Variants in PDE6B observed in about 807,000 individuals in gnomAD.
PDE6B encodes rod cGMP-specific 3',5'-cyclic phosphodiesterase subunit beta.
A neutral mutation model predicts 109.0 loss-of-function variants in PDE6B; 106 were observed. The ratio of observed to expected loss-of-function variants is 0.97; its 90% CI spans 0.83 to 1.14. The LOEUF is 1.14. Ranked by LOEUF, PDE6B falls within the 50% of genes most tolerant of loss-of-function variation. PDE6B has a pLI of 0.00. For missense variants in PDE6B, 1,193 were observed against 1,155.6 expected, an observed-to-expected ratio of 1.03 and a Z score of -0.47; for synonymous variants, 490 against 471.3, an observed-to-expected ratio of 1.04 and a Z score of -0.51.
At chr4:629,163 G>A (rs1051016682) in intron 1 of PDE6B, among the ~76,000 whole-genome samples, 2 of 152,250 alleles carry the variant, frequency 1.3e-5, no homozygotes, top group Non-Finnish European at 2.9e-5. Context: ...TGGCAGGAAG[G>A]AAGCACAGGT....
At position 666,398 on chromosome 4, in the gene PDE6B, GT is replaced by G; in HGVS notation, c.2269-130del. 1.4e-6 allele frequency: 1 copy of G among 708,790 alleles called. No homozygotes were observed. The highest frequency in any genetic ancestry group is 2.7e-5 in the East Asian group (1 of 37,454). 43.9% of individuals were successfully genotyped at this position (708,790 alleles called of 1,614,324 possible). ...TGTCAGCTTCCCCTCCCGAGAGCCA[GT>G]TTCTGTCAGGCAGGCTCGTCCCAGG... On this transcript the variant is annotated intron_variant, in intron 19 of 21. Transcript: ENST00000496514. The surrounding 1 kb of genome is among the most constrained non-coding windows in gnomAD (Gnocchi z 5.6).
At chr4:639,896 A>AG (rs1330594105) in intron 3 of PDE6B, among the ~76,000 whole-genome samples, 1 of 152,034 alleles carries the variant, frequency 6.6e-6, no homozygotes, top group African/African-American at 2.4e-5. Flanking sequence ...GCTTGAACCC[A>AG]GGAGCTGGGT....
chr4:630,274 T>C (rs1457706477), intron 1 of PDE6B, among the ~76,000 whole-genome samples: 8 of 151,952 alleles, frequency 5.3e-5, no homozygotes, highest in African/African-American at 1.9e-4. Flanking sequence ...TCTCAGGAAG[T>C]GAAGGCTGGG....
chr4:656,595 C>CAA (rs1362847024), intron 8 of PDE6B, among the ~76,000 whole-genome samples: 130 of 151,896 alleles, frequency 8.6e-4, no homozygotes, highest in African/African-American at 3.0e-3. Flanking sequence ...CACACCCCTG[C>CAA]GAGGCCGTGA....
At chr4:655,862 G>C (rs938763338) in intron 6 of PDE6B, 78 bp from the exon 7 acceptor site, 15 of 861,470 alleles carry the variant, frequency 1.7e-5, no homozygotes, top group African/African-American at 1.2e-4. Flanking sequence ...CCTGCACACA[G>C]ACATCCAGTC....
rs764046233 is a variant in PDE6B at position 667,929 on chromosome 4, C to T, written c.2426C>T (p.Ala809Val). 53 of 1,613,136 alleles carry T rather than the reference C, an allele frequency of 3.3e-5. No individual in the cohort carries two copies. The highest frequency in any genetic ancestry group is 1.2e-4 in the South Asian group (11 of 91,060). The stretch of plus-strand genomic sequence containing the variant: ...CAGAACAATAGGAAAGAGTGGAAGG[C>T]GCTGGCTGATGAGTATGAGGCCAAA... ...RLQNNRKEWKALADEYEAKVK... is the reference protein window; with the variant it reads ...RLQNNRKEWKVLADEYEAKVK... The change falls in exon 21 of 22, where the codon GCG (alanine) becomes GTG (valine). Residue 809 changes from alanine (A) to valine (V), a missense_variant. Physicochemically the swap from Ala to Val is moderately conservative, Grantham distance 64. Transcript: ENST00000496514.
chr4:657,602 T>C (rs1210377931), intron 10 of PDE6B, 108 bp downstream of exon 10: 1 of 1,080,900 alleles, frequency 9.3e-7, no homozygotes, highest in Non-Finnish European at 1.3e-6. Context: ...TGGGGGCAGG[T>C]CATCCAGGGG....
rs1239592126 is a variant in PDE6B, at chr4:657,406, TG to T, written c.1314del (p.Met438IlefsTer19). Reference protein sequence around the residue: ...SVMNTDTYDKMNKLENRKDIA... With the variant: ...SVMNTDTYDKXNKLENRKDIA... ...ATGAACACCGACACCTACGACAAGA[TG>T]AACAAGCTGGAGAACCGCAAGGACA... is the stretch of plus-strand genomic sequence containing the variant. On this transcript the variant is annotated frameshift_variant, in exon 10 of 22. Coordinates refer to ENST00000496514, the MANE Select transcript of PDE6B (RefSeq NM_000283.4). LOFTEE classifies it high-confidence loss of function. The T allele has an allele frequency of 6.2e-7, 1 of 1,613,250 alleles. No individual in the cohort carries two copies. Among genetic ancestry groups the T allele is most frequent in the Admixed American group, 1.7e-5 (1 of 60,012 alleles).
At chr4:647,657 C>A (rs1453728341) in intron 3 of PDE6B, among the ~76,000 whole-genome samples, 1 of 151,978 alleles carries the variant, frequency 6.6e-6, no homozygotes, top group Non-Finnish European at 1.5e-5. Context: ...CCCTAATCAT[C>A]CCCCAGGGCC....
chr4:659,526 T>C (rs540135807), intron 11 of PDE6B, among the ~76,000 whole-genome samples: 73 of 150,240 alleles, frequency 4.9e-4, no homozygotes, highest in African/African-American at 1.8e-3. Context: ...TAGGTGTGTG[T>C]GCACACGTGG....
At chr4:656,683 A>G (rs1329548760) in intron 8 of PDE6B, among the ~76,000 whole-genome samples, 191 bp from the exon 9 acceptor site, 1 of 152,232 alleles carries the variant, frequency 6.6e-6, no homozygotes, top group African/African-American at 2.4e-5. Context: ...GGAAAATATC[A>G]TGACACAAAA....
Position 655,684 on chromosome 4 carries a change from G to A in PDE6B, c.993-256G>A, listed in dbSNP as rs919833583. The A allele has an allele frequency of 5.1e-6, 3 of 586,880 alleles. No homozygotes were observed. The African/African-American group carries it at 5.6e-5, about 11-fold the overall frequency. 36.4% of individuals were successfully genotyped at this position (586,880 alleles called of 1,614,324 possible). A position where few individuals can be genotyped will look rare whatever the true frequency, so the allele number is the denominator to read the frequency against. ...AGAGTAAATGCTGAGGATGGCACAT[G>A]AGCCAGAGACCCCCAGACCCCTGCA... On this transcript the variant is annotated intron_variant, in intron 6 of 21. Coordinates refer to ENST00000496514, the MANE Select transcript of PDE6B (RefSeq NM_000283.4).
chr4:630,745 G>A (rs57334496), intron 1 of PDE6B, among the ~76,000 whole-genome samples: 155 of 152,314 alleles, frequency 1.0e-3, no homozygotes, highest in African/African-American at 3.3e-3. Flanking sequence ...CCCCAATTCC[G>A]GCTGCCTGCT....
intron 3 of PDE6B, 145 bp from the exon 4 acceptor site, chr4:653,707 G>A: frequency 2.2e-6 from 2 of 921,966 alleles, no homozygotes; most frequent in African/African-American, 3.2e-5. Flanking sequence ...CACCAATCAG[G>A]GTCTGTGCCA....
At chr4:630,537 T>A (rs1394559743) in intron 1 of PDE6B, among the ~76,000 whole-genome samples, 1 of 151,830 alleles carries the variant, frequency 6.6e-6, no homozygotes, top group Non-Finnish European at 1.5e-5. Flanking sequence ...TTCCCTGTGG[T>A]GTTAGGGAAG....
Position 656,013 on chromosome 4 carries a change from C to T in PDE6B, c.1059+7C>T. 1.3e-6 allele frequency: 2 copies of T among 1,570,698 alleles called. No homozygotes were observed. Among genetic ancestry groups the T allele is most frequent in the Non-Finnish European group, 1.8e-6 (2 of 1,141,066 alleles). ...CGTGGCAGAAAGCGGCTTTGTGAGT[C>T]CCGTGCTGTCTGGAGTCCCCACAGC... On this transcript the variant is annotated splice_region_variant and intron_variant, in intron 7 of 21. Coordinates refer to ENST00000496514, the MANE Select transcript of PDE6B (RefSeq NM_000283.4).
chr4:645,388 C>G (rs1735151191), intron 3 of PDE6B, among the ~76,000 whole-genome samples: 1 of 150,972 alleles, frequency 6.6e-6, no homozygotes, highest in Non-Finnish European at 1.5e-5. Flanking sequence ...CTCCACGTCC[C>G]AGGTTCACGC....
At chr4:654,726 CGTGTGGCTGTGTGTAGCTGCATGTAGCT>C (rs927193062) in intron 5 of PDE6B, 70 bp from the exon 6 acceptor site, 5 of 798,058 alleles carry the variant, frequency 6.3e-6, no homozygotes, top group Non-Finnish European at 1.1e-5. Context: ...GGTGTGCATG[CGTGTGGCTGTGTGTAGCTGCATGTAGCT>C]GTGTGTGTGT....
intron 3 of PDE6B, 164 bp from the exon 4 acceptor site, chr4:653,688 C>A: frequency 1.2e-6 from 1 of 801,998 alleles, no homozygotes; most frequent in South Asian, 1.6e-5. Context: ...TGAAACCTGG[C>A]CACGGAGCCA....
Sources: allele counts gnomAD v4.1 joint callset (sites outside exome capture counted in the v4.1 genomes callset), GRCh38; gene constraint gnomAD v4.1.1; non-coding constraint Gnocchi (gnomAD v3.1); transcripts MANE v1.5; gene names NCBI Gene and HGNC (gene_info 2026-07-23, HGNC 2026-07-21).